Variants in GNA14 observed in about 807,000 individuals in gnomAD.
GNA14 encodes the protein G protein subunit alpha 14.
A neutral mutation model predicts 42.0 loss-of-function variants in GNA14; 50 were observed. That is an observed-to-expected ratio of 1.19 (90% CI 0.95 to 1.51). The LOEUF is 1.51. Among genes scored for constraint, GNA14 ranks in the 40% most tolerant of loss-of-function variants. The pLI, the probability that GNA14 is intolerant of heterozygous loss-of-function variation, is 0.00. For synonymous variants in GNA14, 173 were observed against 163.1 expected, an observed-to-expected ratio of 1.06 and a Z score of -0.46; for missense variants, 473 against 446.2, an observed-to-expected ratio of 1.06 and a Z score of -0.54.
At chr9:77,487,319 G>A (rs538960753) in intron 2 of GNA14, among the ~76,000 whole-genome samples, 1 of 152,226 alleles carries the variant, frequency 6.6e-6, no homozygotes, top group Admixed American at 6.5e-5. Flanking sequence ...CTGAAACCAA[G>A]AAAGTGAGAC....
chr9:77,439,894 G>A (rs1258863078), intron 2 of GNA14, among the ~76,000 whole-genome samples: 1 of 152,172 alleles, frequency 6.6e-6, no homozygotes, highest in African/African-American at 2.4e-5. Context: ...CTTGGGTGGG[G>A]CATGTGCTGA....
At chr9:77,625,505 A>G (rs1166313552) in intron 1 of GNA14, among the ~76,000 whole-genome samples, 1 of 152,238 alleles carries the variant, frequency 6.6e-6, no homozygotes, top group Non-Finnish European at 1.5e-5. Flanking sequence ...GTTACCCACA[A>G]AGGGAAGCCC....
chr9:77,500,746 T>C (rs1052847271), intron 2 of GNA14, among the ~76,000 whole-genome samples: 10 of 152,236 alleles, frequency 6.6e-5, no homozygotes, highest in African/African-American at 2.4e-4. Context: ...CATAAGTCTC[T>C]GAAGATTCAT....
intron 2 of GNA14, among the ~76,000 whole-genome samples, chr9:77,477,331 A>G (rs1836449118): frequency 6.6e-6 from 1 of 152,206 alleles, no homozygotes; most frequent in Admixed American, 6.5e-5. Context: ...TGGGTGACAC[A>G]GCAAGATCAT....
intron 1 of GNA14, among the ~76,000 whole-genome samples, chr9:77,548,459 G>A (rs1443865): frequency 0.15 from 22,719 of 152,018 alleles, 3,815 homozygotes; most frequent in African/African-American, 0.41. Context: ...GAGTGGGGGC[G>A]CACGATTCAA....
chr9:77,479,825 G>A (rs1004493243), intron 2 of GNA14, among the ~76,000 whole-genome samples: 29 of 151,932 alleles, frequency 1.9e-4, no homozygotes, highest in African/African-American at 7.0e-4. Flanking sequence ...GTGAATGGGA[G>A]TTCACTCATG....
intron 1 of GNA14, among the ~76,000 whole-genome samples, chr9:77,618,607 TATATATATATATA>T (rs1250596655): frequency 6.1e-5 from 1 of 16,322 alleles, no homozygotes; most frequent in East Asian, 2.3e-3. Flanking sequence ...TATATATATA[TATATATATATATA>T]TTTTTTTTTT....
chr9:77,477,388 A>G (rs1040270714), intron 2 of GNA14, among the ~76,000 whole-genome samples: 3 of 152,188 alleles, frequency 2.0e-5, no homozygotes, highest in Non-Finnish European at 4.4e-5. Context: ...AGATATGTTA[A>G]GTAAAAGTCC....
intron 1 of GNA14, 123 bp from the exon 2 acceptor site, chr9:77,529,376 GA>G (rs1390036896): frequency 2.5e-6 from 2 of 786,414 alleles, no homozygotes; most frequent in East Asian, 4.9e-5. Flanking sequence ...GTTGGATTTG[GA>G]AGGGACTGCC....
intron 2 of GNA14, among the ~76,000 whole-genome samples, chr9:77,481,471 C>A (rs9722435): frequency 0.55 from 84,205 of 151,868 alleles, 23,847 homozygotes; most frequent in East Asian, 0.82. Flanking sequence ...ACTTCCAACT[C>A]TGTGGTCAAT....
chr9:77,639,887 G>A (rs983124013), intron 1 of GNA14, among the ~76,000 whole-genome samples: 1 of 152,198 alleles, frequency 6.6e-6, no homozygotes, highest in Admixed American at 6.5e-5. Context: ...TGAATGTGAG[G>A]GCTCTTGCAG....
intron 1 of GNA14, among the ~76,000 whole-genome samples, chr9:77,592,728 G>A (rs975796707): frequency 3.9e-5 from 6 of 152,134 alleles, no homozygotes; most frequent in African/African-American, 1.4e-4. Flanking sequence ...TGTGTTATAA[G>A]TACTTTTCCT....
intron 2 of GNA14, among the ~76,000 whole-genome samples, chr9:77,488,799 A>AAC (rs1306697212): frequency 1.3e-5 from 2 of 150,418 alleles, no homozygotes; most frequent in African/African-American, 4.9e-5. Flanking sequence ...AAAAAAAAAA[A>AAC]AAAAAAAAAA....
At chr9:77,484,082 G>T (rs1293928674) in intron 2 of GNA14, among the ~76,000 whole-genome samples, 1 of 152,160 alleles carries the variant, frequency 6.6e-6, no homozygotes, top group Non-Finnish European at 1.5e-5. Context: ...ATGAAAGGAT[G>T]TGCTCCAGGT....
intron 2 of GNA14, among the ~76,000 whole-genome samples, chr9:77,439,532 G>A (rs144945833): frequency 0.012 from 1,847 of 152,326 alleles, 15 homozygotes; most frequent in Non-Finnish European, 0.017. Context: ...AGCTACTCAG[G>A]AGGCTGAGGT....
chr9:77,560,488 G>T (rs981864924), intron 1 of GNA14, among the ~76,000 whole-genome samples: 15 of 151,406 alleles, frequency 9.9e-5, no homozygotes, highest in African/African-American at 2.4e-4. Flanking sequence ...TGTTTGGTTG[G>T]TTTTTTTTGT....
At chr9:77,485,070 G>C (rs1473615653) in intron 2 of GNA14, among the ~76,000 whole-genome samples, 1 of 152,110 alleles carries the variant, frequency 6.6e-6, no homozygotes, top group Non-Finnish European at 1.5e-5. Flanking sequence ...TTGCCGCATT[G>C]ATTGACTCTT....
chr9:77,555,563 A>G (rs1386321304), intron 1 of GNA14, among the ~76,000 whole-genome samples: 2 of 152,212 alleles, frequency 1.3e-5, no homozygotes, highest in Non-Finnish European at 2.9e-5. Flanking sequence ...GAGAAAAAGC[A>G]TATATGGTAA....
At chr9:77,455,377 A>T (rs932858080) in intron 2 of GNA14, among the ~76,000 whole-genome samples, 2 of 152,212 alleles carry the variant, frequency 1.3e-5, no homozygotes, top group African/African-American at 4.8e-5. Flanking sequence ...GATTACTTAA[A>T]GCCACTGATT....
Sources: allele counts gnomAD v4.1 joint callset (sites outside exome capture counted in the v4.1 genomes callset), GRCh38; gene constraint gnomAD v4.1.1; transcripts MANE v1.5; gene names NCBI Gene and HGNC (gene_info 2026-07-23, HGNC 2026-07-21).